SPHK2: variants seen among roughly 807,000 people sequenced by gnomAD.
The protein encoded by SPHK2 is sphingosine kinase 2.
SPHK2 carries 18 observed loss-of-function variants against 32.3 expected under a neutral mutation model. The ratio of observed to expected loss-of-function variants is 0.56; its 90% CI spans 0.39 to 0.83. The LOEUF is 0.83. SPHK2 is among the 40% of genes least tolerant of loss of function. The pLI, the probability that SPHK2 is intolerant of heterozygous loss-of-function variation, is 0.00. For missense variants in SPHK2, 850 were observed against 908.7 expected (o/e 0.94, Z 0.83); for synonymous variants, 462 against 417.6 (o/e 1.11, Z -1.30).
chr19:48,624,040 T>C (rs1974509944), intron 2 of SPHK2: 1 of 152,356 alleles, frequency 6.6e-6, no homozygotes, highest in South Asian at 2.1e-4. Flanking sequence ...TTAGAGTCTC[T>C]GTCTTTGCAG....
In SPHK2 at chr19:48,626,268, G is replaced by T. The variant is rs756975453; in HGVS notation, c.417G>T (p.Gly139=). Residue 139 remains glycine (G), a synonymous_variant, in exon 3 of 7, where the codon GGG becomes GGT. Coordinates refer to ENST00000245222, the MANE Select transcript of SPHK2 (RefSeq NM_020126.5). ...CCACTCGCACCTTCCGGGCAGATGG[G>T]GCCGCCACCTACGAAGAGAACCGTG... The part of the protein sequence containing the change: ...RRATRTFRAD[G]AATYEENRAE... 2 of 1,594,402 alleles carry T rather than the reference G, an allele frequency of 1.3e-6. No individual in the cohort carries two copies. Among genetic ancestry groups the T allele is most frequent in the East Asian group, 4.5e-5 (2 of 44,498 alleles).
At position 48,629,748 on chromosome 19, in the gene SPHK2, C is replaced by T. The variant is rs1601172923; in HGVS notation, c.1940C>T (p.Pro647Leu). The stretch of plus-strand genomic sequence containing the variant: ...ATCGGTACACTGCTCACTGGGCCTC[C>T]TGGCTGCCCGGGGCGGGAGCCCTGA... ...PGIGTLLTGP[P>L]GCPGREP Residue 647 changes from proline (P) to leucine (L), a missense_variant, in exon 7 of 7, where the codon CCT becomes CTT. Transcript: ENST00000245222. 1 of 1,585,012 alleles carries T rather than the reference C, an allele frequency of 6.3e-7. No homozygotes were observed. Among genetic ancestry groups the T allele is most frequent in the Non-Finnish European group, 8.6e-7 (1 of 1,162,498 alleles).
Position 48,629,536 on chromosome 19 carries a change from G to C in SPHK2, c.1728G>C (p.Ser576=). Residue 576 remains serine (S), a synonymous_variant, in exon 7 of 7, where the codon TCG becomes TCC. Coordinates refer to ENST00000245222, the MANE Select transcript of SPHK2 (RefSeq NM_020126.5). ...VHLCWVRSGI[S]RAALLRLFLA... ...TGTGCTGGGTGCGTAGCGGCATCTC[G>C]CGGGCTGCGCTGCTGCGCCTTTTCT... 3.7e-6 allele frequency: 6 copies of C among 1,603,990 alleles called. No homozygotes were observed. The highest frequency in any genetic ancestry group is 5.1e-6 in the Non-Finnish European group (6 of 1,176,528).
rs1474453628 is a variant in SPHK2 at position 48,629,843 on chromosome 19, G to C, written c.*70G>C. The C allele has an allele frequency of 1.1e-5, 16 of 1,491,476 alleles. No homozygotes were observed. The highest frequency in any genetic ancestry group is 4.9e-5 in the Admixed American group (2 of 40,664). 92.4% of individuals were successfully genotyped at this position (1,491,476 alleles called of 1,614,324 possible). On this transcript the variant is annotated 3_prime_UTR_variant, in exon 7 of 7. Coordinates refer to ENST00000245222, the MANE Select transcript of SPHK2 (RefSeq NM_020126.5). ...AATGGGGCGGAGCCTGAGCTAGGGG[G>C]TGTGGCCTGGCTGCTAGAGTTGTGG...
chr19:48,622,757 C>CTTTTTTTTTTTTTTTTTTTTTTTTTTTT lies in SPHK2; in HGVS notation c.39+2230_39+2231insTTTTTTTTTTTTTTTTTTTTTTTTTTTT, dbSNP rs779108312. On this transcript the variant is annotated intron_variant, in intron 2 of 6. Coordinates refer to ENST00000245222, the MANE Select transcript of SPHK2 (RefSeq NM_020126.5). ...CAAACTTCTTCCTACATTTGTCTCTCTTTTTTTTTTTTTTTTTTTTTTTTT... is the reference window on the plus strand; with the variant it reads ...CAAACTTCTTCCTACATTTGTCTCTCTTTTTTTTTTTTTTTTTTTTTTTTTTTTTTTTTTTTTTTTTTTTTTTTTTTTT... Among the ~76,000 whole-genome samples, 2 of 108,546 alleles carry CTTTTTTTTTTTTTTTTTTTTTTTTTTTT rather than the reference C, an allele frequency of 1.8e-5. 1 individual carries two copies. Among genetic ancestry groups the CTTTTTTTTTTTTTTTTTTTTTTTTTTTT allele is most frequent in the African/African-American group, 6.6e-5 (2 of 30,250 alleles). 71.2% of individuals were successfully genotyped at this position (108,546 alleles called of 152,430 possible).
chr19:48,621,072 T>G (rs570536080), intron 2 of SPHK2, among the ~76,000 whole-genome samples: 1 of 152,228 alleles, frequency 6.6e-6, no homozygotes, highest in Non-Finnish European at 1.5e-5. Flanking sequence ...GCTAATTTTT[T>G]TATTTTTATT....
chr19:48,628,143 C>A lies in SPHK2; in HGVS notation c.757-19C>A, dbSNP rs746304674. ...GAGACTGCCACCAGGACCCAGGCTTCTGGTCTCCCACCCTCCAGGTGCTGA... is the reference window on the plus strand; with the variant it reads ...GAGACTGCCACCAGGACCCAGGCTTATGGTCTCCCACCCTCCAGGTGCTGA... On this transcript the variant is annotated intron_variant, in intron 5 of 6. Transcript: ENST00000245222. The surrounding 1 kb of genome is among the most constrained non-coding windows in gnomAD (Gnocchi z 5.2). The A allele has an allele frequency of 6.2e-7, 1 of 1,607,454 alleles. No individual in the cohort carries two copies. Among genetic ancestry groups the A allele is most frequent in the Non-Finnish European group, 8.5e-7 (1 of 1,175,986 alleles).
intron 1 of SPHK2, among the ~76,000 whole-genome samples, chr19:48,620,035 C>T (rs1036501104): frequency 1.3e-5 from 2 of 152,144 alleles, no homozygotes; most frequent in African/African-American, 4.8e-5. Flanking sequence ...AGTCATTTAA[C>T]CTCTCTGTGA....
At chr19:48,625,460 A>G in intron 2 of SPHK2, 2 of 1,197,852 alleles carry the variant, frequency 1.7e-6, no homozygotes, top group Admixed American at 3.7e-5. Context: ...TGCATATCCA[A>G]TCCCACTATC....
At chr19:48,622,873 TC>T (rs1183442993) in intron 2 of SPHK2, among the ~76,000 whole-genome samples, 1 of 147,496 alleles carries the variant, frequency 6.8e-6, no homozygotes, top group African/African-American at 2.5e-5. Flanking sequence ...TCAAGCGATC[TC>T]CTGCCTCAGC....
chr19:48,626,343 G>A lies in SPHK2; in HGVS notation c.492G>A (p.Leu164=). ...CCCTCACCTGTCTGCTCCGAGGACTGCCACTGCCCGGGGATGGGGGTGAGG... is the reference window on the plus strand; with the variant it reads ...CCCTCACCTGTCTGCTCCGAGGACTACCACTGCCCGGGGATGGGGGTGAGG... ...ATALTCLLRG[L]PLPGDGEITP... is the part of the protein sequence containing the mutation. The change falls in exon 3 of 7, where the codon CTG becomes CTA. Residue 164 remains leucine, a synonymous_variant. Coordinates refer to ENST00000245222, the MANE Select transcript of SPHK2 (RefSeq NM_020126.5). 3 of 1,589,278 alleles carry A rather than the reference G, an allele frequency of 1.9e-6. No individual in the cohort carries two copies. Among genetic ancestry groups the A allele is most frequent in the South Asian group, 2.2e-5 (2 of 89,684 alleles).
In SPHK2 at chr19:48,629,455, A is replaced by AG; in HGVS notation, c.1649dup (p.Ala551ArgfsTer2). The AG allele has an allele frequency of 6.2e-7, 1 of 1,608,866 alleles. No homozygotes were observed. Among genetic ancestry groups the AG allele is most frequent in the Non-Finnish European group, 8.5e-7 (1 of 1,178,608 alleles). ...TGTTGGCCATCTCGCCCAGCCACCTAGGCGCTGACCTGGTGGCAGCTCCGC... is the reference window on the plus strand; with the variant it reads ...TGTTGGCCATCTCGCCCAGCCACCTAGGGCGCTGACCTGGTGGCAGCTCCGC... On this transcript the variant is annotated frameshift_variant, in exon 7 of 7. Transcript: ENST00000245222. LOFTEE classifies it low-confidence loss of function (END_TRUNC).
In SPHK2 at chr19:48,626,222, G is replaced by C. The variant is rs745622704; in HGVS notation, c.371G>C (p.Arg124Pro). ...TGCATCTACACCTACCCTCGGGGCC[G>C]GCGCGGGGCCCGGCGCAGAGCCACT... is the stretch of plus-strand genomic sequence containing the variant. Reference protein sequence around the residue: ...YFCIYTYPRGRRGARRRATRT... With the variant: ...YFCIYTYPRGPRGARRRATRT... The change falls in exon 3 of 7, where the codon CGG (arginine) becomes CCG (proline). Residue 124 changes from arginine (R) to proline (P), a missense_variant. By Grantham distance (103) the Arg-to-Pro change is moderately radical. Transcript: ENST00000245222. 8.2e-6 allele frequency: 13 copies of C among 1,594,842 alleles called. No homozygotes were observed. Among genetic ancestry groups the C allele is most frequent in the Non-Finnish European group, 1.1e-5 (13 of 1,176,342 alleles).
rs894538324 is a variant in SPHK2 at position 48,620,476 on chromosome 19, C to T, written c.-39C>T. ...GCCTACTATGGCTTAAGACCCAGGG[C>T]CAGGGTCCCGTTGATGTAACAGAGC... On this transcript the variant is annotated 5_prime_UTR_variant, in exon 2 of 7. Coordinates refer to ENST00000245222, the MANE Select transcript of SPHK2 (RefSeq NM_020126.5). 1 of 1,604,086 alleles carries T rather than the reference C, an allele frequency of 6.2e-7. No individual in the cohort carries two copies. The highest frequency in any genetic ancestry group is 8.5e-7 in the Non-Finnish European group (1 of 1,173,596).
chr19:48,622,038 G>A (rs1340088343), intron 2 of SPHK2, among the ~76,000 whole-genome samples: 1 of 152,034 alleles, frequency 6.6e-6, no homozygotes, highest in Non-Finnish European at 1.5e-5. Context: ...GGCGGATCAC[G>A]AGGTCAGGAG....
At position 48,628,671 on chromosome 19, in the gene SPHK2, G is replaced by A. The variant is rs1343018396; in HGVS notation, c.873-10G>A. On this transcript the variant is annotated splice_polypyrimidine_tract_variant and intron_variant, in intron 6 of 6. Coordinates refer to ENST00000245222, the MANE Select transcript of SPHK2 (RefSeq NM_020126.5). This position sits in a 1 kb window ranked among gnomAD's most constrained non-coding sequence, Gnocchi z 5.2. ...TCCTTCTGTGTGTCCGTCCATCTCC[G>A]GCTGTGAAGATTTGAGCCAGCCCTG... The A allele has an allele frequency of 5.6e-6, 9 of 1,607,620 alleles. No homozygotes were observed. Among genetic ancestry groups the A allele is most frequent in the African/African-American group, 2.7e-5 (2 of 74,856 alleles).
At chr19:48,620,591 G>T in intron 2 of SPHK2, 38 bp downstream of exon 2, 1 of 1,519,782 alleles carries the variant, frequency 6.6e-7, no homozygotes, top group Non-Finnish European at 8.9e-7. Flanking sequence ...CTCATACTGT[G>T]GAAAGACAAA....
chr19:48,622,927 G>A (rs899129665), intron 2 of SPHK2, among the ~76,000 whole-genome samples: 14 of 151,062 alleles, frequency 9.3e-5, no homozygotes, highest in African/African-American at 3.2e-4. Context: ...ACCACACCTG[G>A]CTAATTTTTG....
In SPHK2 at chr19:48,628,621, C is replaced by G; in HGVS notation, c.873-60C>G. ...TTGCCAGCTGCTTTCCTACCTGTCT[C>G]TTTCCCCAACCCCTGTTTGCTCCTT... is the stretch of plus-strand genomic sequence containing the variant. On this transcript the variant is annotated intron_variant, in intron 6 of 6. Transcript: ENST00000245222. This position sits in a 1 kb window ranked among gnomAD's most constrained non-coding sequence, Gnocchi z 5.2. 2 of 1,584,148 alleles carry G rather than the reference C, an allele frequency of 1.3e-6. No homozygotes were observed. Among genetic ancestry groups the G allele is most frequent in the East Asian group, 2.2e-5 (1 of 44,632 alleles).
Sources: allele counts gnomAD v4.1 joint callset (sites outside exome capture counted in the v4.1 genomes callset), GRCh38; gene constraint gnomAD v4.1.1; non-coding constraint Gnocchi (gnomAD v3.1); transcripts MANE v1.5; gene names NCBI Gene and HGNC (gene_info 2026-07-23, HGNC 2026-07-21).